CYREN: variants seen among roughly 807,000 people sequenced by gnomAD.
The protein encoded by CYREN is cell cycle regulator of non-homologous end joining.
CYREN carries 7 observed loss-of-function variants against 9.7 expected under a neutral mutation model. The observed-to-expected ratio is 0.72, with a 90% CI of 0.41 to 1.36. The LOEUF is 1.36. CYREN is among the 40% of genes most tolerant of loss of function. The probability of loss-of-function intolerance (pLI) is 0.01; values close to 1 mark genes in which losing one functional copy is unlikely to be tolerated. For missense variants in CYREN, 215 were observed against 198.1 expected (o/e 1.09, Z -0.51); for synonymous variants, 76 against 77.9 (o/e 0.98, Z 0.13).
At chr7:135,167,510 C>G in intron 3 of CYREN, 2 of 1,414,268 alleles carry the variant, frequency 1.4e-6, no homozygotes, top group Non-Finnish European at 1.8e-6. Flanking sequence ...CCCTAACACA[C>G]GCATGCCCTC....
intron 2 of CYREN, among the ~76,000 whole-genome samples, chr7:135,155,456 G>A (rs1259120431): frequency 6.6e-6 from 1 of 152,148 alleles, no homozygotes; most frequent in Non-Finnish European, 1.5e-5. Context: ...GTTGCCATTT[G>A]ATTCCTTTCT....
chr7:135,126,850 C>T (rs1165232637), intron 2 of CYREN, among the ~76,000 whole-genome samples: 2 of 152,254 alleles, frequency 1.3e-5, no homozygotes, highest in East Asian at 3.9e-4. Context: ...CTTCCTTACA[C>T]CTTATACAAA....
At chr7:135,136,262 T>C (rs1159612619) in intron 2 of CYREN, among the ~76,000 whole-genome samples, 1 of 152,112 alleles carries the variant, frequency 6.6e-6, no homozygotes, top group Non-Finnish European at 1.5e-5. Flanking sequence ...GGTGGAACTA[T>C]GAAGATCTGG....
At chr7:135,098,368 C>G (rs1366812856) in intron 2 of CYREN, among the ~76,000 whole-genome samples, 1 of 152,116 alleles carries the variant, frequency 6.6e-6, no homozygotes, top group Non-Finnish European at 1.5e-5. Context: ...ACTTATAATA[C>G]CTGATACAAT....
intron 2 of CYREN, among the ~76,000 whole-genome samples, chr7:135,113,817 C>G (rs180848226): frequency 3.3e-5 from 5 of 152,230 alleles, no homozygotes; most frequent in Non-Finnish European, 2.9e-5. Flanking sequence ...AATTCTCCCT[C>G]CCCCCAGCAC....
intron 3 of CYREN, chr7:135,167,209 T>C (rs1043890733): frequency 1.9e-4 from 187 of 985,406 alleles, no homozygotes; most frequent in Non-Finnish European, 2.2e-4. Context: ...GCCCATGCCT[T>C]AGCACTAGGA....
intron 2 of CYREN, chr7:135,135,308 G>T (rs1173370096): frequency 7.2e-7 from 1 of 1,387,374 alleles, no homozygotes; most frequent in Non-Finnish European, 9.5e-7. Flanking sequence ...GATAACATAT[G>T]CTTATGTAGT....
chr7:135,152,990 A>T (rs535098157), intron 2 of CYREN: 1 of 152,244 alleles, frequency 6.6e-6, no homozygotes, highest in Non-Finnish European at 1.5e-5. Context: ...ACTCAACAAG[A>T]AAAAACAATC....
intron 2 of CYREN, among the ~76,000 whole-genome samples, chr7:135,121,603 A>G (rs1274728350): frequency 1.3e-5 from 2 of 152,210 alleles, no homozygotes; most frequent in Non-Finnish European, 2.9e-5. Flanking sequence ...ACACTTCTGA[A>G]TAAATCGTGA....
intron 2 of CYREN, chr7:135,148,373 T>C (rs566882018): frequency 9.2e-6 from 3 of 327,148 alleles, no homozygotes; most frequent in South Asian, 2.5e-5. Context: ...GCAATCCACA[T>C]AGGGGAACTC....
chr7:135,123,016 C>T (rs1585245096), intron 2 of CYREN, among the ~76,000 whole-genome samples: 1 of 151,904 alleles, frequency 6.6e-6, no homozygotes, highest in East Asian at 1.9e-4. Flanking sequence ...GTATCTCCAG[C>T]AATGGCACAG....
exon 3 of CYREN, chr7:135,094,006 T>C (rs1205599595): frequency 5.8e-6 from 1 of 171,156 alleles, no homozygotes; most frequent in Non-Finnish European, 1.2e-5. Flanking sequence ...AAAAAAATAG[T>C]CTTTTCAGCA....
chr7:135,097,221 A>G (rs1420120419), intron 2 of CYREN, among the ~76,000 whole-genome samples: 1 of 152,142 alleles, frequency 6.6e-6, no homozygotes, highest in Non-Finnish European at 1.5e-5. Flanking sequence ...AACAAAGGGA[A>G]AATTTTGTAA....
downstream of CYREN, among the ~76,000 whole-genome samples, chr7:135,162,299 A>C (rs886643239): frequency 2.0e-5 from 3 of 152,116 alleles, no homozygotes; most frequent in Admixed American, 6.5e-5. Flanking sequence ...TTGCTGCTGA[A>C]CACCACCTGG....
intron 2 of CYREN, among the ~76,000 whole-genome samples, chr7:135,126,057 G>C (rs758396387): frequency 2.0e-5 from 3 of 152,178 alleles, no homozygotes; most frequent in Non-Finnish European, 4.4e-5. Flanking sequence ...AATCAGGCAA[G>C]AGAAAGAAGT....
chr7:135,124,476 A>G (rs1169518066), intron 2 of CYREN, among the ~76,000 whole-genome samples: 6 of 152,220 alleles, frequency 3.9e-5, no homozygotes, highest in Non-Finnish European at 7.3e-5. Flanking sequence ...TGTCAATATT[A>G]GACAGATCAA....
intron 2 of CYREN, among the ~76,000 whole-genome samples, chr7:135,140,929 T>C (rs1483919486): frequency 6.6e-6 from 1 of 152,156 alleles, no homozygotes; most frequent in Non-Finnish European, 1.5e-5. Flanking sequence ...GTGGATTAGC[T>C]TTTTGATGTG....
Position 135,167,789 on chromosome 7 carries a change from A to T in CYREN, c.156T>A (p.Thr52=). The change falls in exon 3 of 4, where the codon ACT becomes ACA. Residue 52 remains threonine (T), a synonymous_variant. Coordinates refer to ENST00000393114, the MANE Select transcript of CYREN (RefSeq NM_024033.4). Reference sequence around the variant, plus strand: ...TCTCAGCCTCATTCATGCAGTACACAGTCCTTGTCGCAGGGAGTCTGAAAA... The same window carrying T: ...TCTCAGCCTCATTCATGCAGTACACTGTCCTTGTCGCAGGGAGTCTGAAAA... ...VAAARLPATR[T]VYCMNEAEIV... 1 of 1,614,202 alleles carries T rather than the reference A, an allele frequency of 6.2e-7. No individual in the cohort carries two copies.
rs199618779 is a variant in CYREN at position 135,096,742 on chromosome 7, T to A, written n.357-2160A>T. Among the ~76,000 whole-genome samples, 301 of 101,112 alleles carry A rather than the reference T, an allele frequency of 3.0e-3. 2 individuals are homozygous for A. Among genetic ancestry groups the A allele is most frequent in the East Asian group, 0.012 (41 of 3,424 alleles). The allele number at this position is 101,112 out of a possible 152,430, so 66.3% of individuals were successfully genotyped here. On this transcript the variant is annotated intron_variant and non_coding_transcript_variant, in intron 2 of 2. Coordinates refer to the CYREN transcript ENST00000459937. The stretch of plus-strand genomic sequence containing the variant: ...AAAGAGAAGAAAGAAAGAGAAAGAA[T>A]GAAAGAAAGAAAGAAAGAAAGAAAG...
Sources: gnomAD v4.1 joint callset for allele counts (sites outside exome capture counted in the v4.1 genomes callset) on GRCh38, gnomAD v4.1.1 for gene constraint, MANE v1.5 for transcripts, NCBI Gene and HGNC (gene_info 2026-07-23, HGNC 2026-07-21) for gene names.